The following SCART1 variants were observed in gnomAD, a reference collection of about 807,000 sequenced individuals.
The protein encoded by SCART1 is scavenger receptor family member expressed on T cells 1.
SCART1 carries 62 observed loss-of-function variants against 36.2 expected under a neutral mutation model. That is an observed-to-expected ratio of 1.71 (90% CI 1.40 to 2.12). SCART1 has a LOEUF of 2.12. Ranked by LOEUF, SCART1 falls within the 30% of genes most tolerant of loss-of-function variation. SCART1 has a pLI of 0.00. For missense variants in SCART1, 1,041 were observed against 540.5 expected (o/e 1.93, Z -9.18); for synonymous variants, 487 against 238.7 (o/e 2.04, Z -9.59).
intron 6 of SCART1, among the ~76,000 whole-genome samples, chr10:133,460,488 A>T (rs1382449485): frequency 1.4e-5 from 2 of 142,084 alleles, no homozygotes; most frequent in Non-Finnish European, 1.5e-5. Context: ...ATATATATAT[A>T]TTTATATATT....
chr10:133,458,087 C>T, intron 3 of SCART1: 1 of 659,380 alleles, frequency 1.5e-6, no homozygotes, highest in Non-Finnish European at 2.7e-6. Context: ...GTGTTGCTGT[C>T]ATGGCCTCGG....
In SCART1 at chr10:133,457,275, A is replaced by C. The variant is rs1564833627; in HGVS notation, c.386-4A>C. 1.4e-6 allele frequency: 1 copy of C among 700,830 alleles called. No homozygotes were observed. The highest frequency in any genetic ancestry group is 2.6e-6 in the Non-Finnish European group (1 of 384,886). The allele number at this position is 700,830 out of a possible 1,614,324, so 43.4% of individuals were successfully genotyped here. A position where few individuals can be genotyped will look rare whatever the true frequency, so the allele number is the denominator to read the frequency against. ...CTTAAGGAGGACCGGCCTGTGCTCC[A>C]CAGACGGCACTTTCCGGGAGCTCCG... On this transcript the variant is annotated splice_polypyrimidine_tract_variant and splice_region_variant and intron_variant, in intron 2 of 11. Transcript: ENST00000640237.
intron 10 of SCART1, chr10:133,466,960 C>T (rs938894621): frequency 3.7e-5 from 16 of 433,650 alleles, no homozygotes; most frequent in African/African-American, 3.0e-4. Flanking sequence ...AAGGTTCCCC[C>T]AGGCAGCACA....
chr10:133,466,427 A>C (rs386474812), intron 10 of SCART1, 46 bp downstream of exon 10: 9 of 690,066 alleles, frequency 1.3e-5, no homozygotes, highest in Non-Finnish European at 2.4e-5. Flanking sequence ...GTGCAGGAGC[A>C]AGAGCAGCTC....
At position 133,467,960 on chromosome 10, in the gene SCART1, A is replaced by G. The variant is rs909435434; in HGVS notation, c.3076A>G (p.Thr1026Ala). 7 of 692,838 alleles carry G rather than the reference A, an allele frequency of 1.0e-5. No individual in the cohort carries two copies. The African/African-American group carries it at 1.2e-4, about 12-fold the overall frequency. 42.9% of individuals were successfully genotyped at this position (692,838 alleles called of 1,614,324 possible). Residue 1026 changes from threonine to alanine, a missense_variant, in exon 12 of 12, where the codon ACG becomes GCG. Coordinates refer to ENST00000640237, the Ensembl canonical transcript of SCART1. Reference sequence around the variant, plus strand: ...GGCTGCGTTTCCTCTGGAGGAGATGACGTTGTAAAGCAACCTGAGGATGAG... The same window carrying G: ...GGCTGCGTTTCCTCTGGAGGAGATGGCGTTGTAAAGCAACCTGAGGATGAG...
intron 2 of SCART1, 85 bp from the exon 3 acceptor site, chr10:133,457,194 C>G: frequency 1.5e-6 from 1 of 676,966 alleles, no homozygotes; most frequent in South Asian, 1.6e-5. Context: ...CAGCCCATCA[C>G]TGTCCTCCCT....
exon 2 of SCART1, chr10:133,456,298 C>G: frequency 1.4e-6 from 1 of 702,934 alleles, no homozygotes; most frequent in South Asian, 1.5e-5. Context: ...TGGTGTTGGT[C>G]CGACACCACG....
At chr10:133,457,767 G>C in intron 3 of SCART1, 192 bp downstream of exon 3, 1 of 558,672 alleles carries the variant, frequency 1.8e-6, no homozygotes, top group South Asian at 2.4e-5. Flanking sequence ...TGAGTTTCTG[G>C]TGGCCCCACA....
chr10:133,456,885 T>C (rs1033879077), intron 2 of SCART1, among the ~76,000 whole-genome samples: 3 of 152,106 alleles, frequency 2.0e-5, no homozygotes, highest in Non-Finnish European at 2.9e-5. Context: ...TAGCTGATGA[T>C]GGTTTCTTAG....
At chr10:133,466,890 C>T (rs1176163141) in intron 10 of SCART1, 2 of 278,536 alleles carry the variant, frequency 7.2e-6, no homozygotes, top group Non-Finnish European at 1.3e-5. Flanking sequence ...TTTTATTGGC[C>T]AGAGAGAGTG....
chr10:133,466,199 C>A, intron 9 of SCART1, 36 bp from the exon 10 acceptor site: 2 of 695,346 alleles, frequency 2.9e-6, no homozygotes, highest in East Asian at 2.7e-5. Context: ...AGGTCCCCCC[C>A]ACCACCCAGC....
chr10:133,464,713 C>G (rs1266910173), exon 7 of SCART1: 1 of 701,650 alleles, frequency 1.4e-6, no homozygotes, highest in Non-Finnish European at 2.6e-6. Context: ...CCTGAAGGAC[C>G]TCTCCTTGTC....
chr10:133,457,639 G>A, intron 3 of SCART1, 64 bp downstream of exon 3: 1 of 608,136 alleles, frequency 1.6e-6, no homozygotes, highest in Admixed American at 3.0e-5. Context: ...ACCTGGGGAG[G>A]GCAGGGAGAA....
exon 5 of SCART1, chr10:133,459,281 G>A (rs534711289): frequency 3.0e-6 from 2 of 655,942 alleles, no homozygotes; most frequent in Middle Eastern, 2.4e-4. Flanking sequence ...CACCCTGGGG[G>A]CCCCGGCCTG....
chr10:133,456,445 T>G (rs1403827662), exon 2 of SCART1: 2 of 702,534 alleles, frequency 2.8e-6, no homozygotes, highest in Non-Finnish European at 5.2e-6. Context: ...AGCCCTGGCT[T>G]CACAACGTGT....
chr10:133,456,847 G>T (rs568995028), intron 2 of SCART1, among the ~76,000 whole-genome samples: 1 of 152,292 alleles, frequency 6.6e-6, no homozygotes, highest in Admixed American at 6.5e-5. Context: ...CGGGGGCGGG[G>T]TCTGTGGACG....
intron 2 of SCART1, 183 bp from the exon 3 acceptor site, chr10:133,457,096 C>T (rs1293715167): frequency 1.0e-5 from 6 of 587,096 alleles, no homozygotes; most frequent in South Asian, 2.2e-5. Flanking sequence ...AGACCAGCAG[C>T]AGAGCATGAA....
chr10:133,459,645 C>CA lies in SCART1; in HGVS notation c.1446dup (p.Ala483SerfsTer3). On this transcript the variant is annotated frameshift_variant, in exon 6 of 12. Coordinates refer to ENST00000640237, the Ensembl canonical transcript of SCART1. LOFTEE classifies it high-confidence loss of function. ...GCAACTCGGGTGCAGAGGGGCCCAG[C>CA]AAGCCTATGACGCACCTGCCCCCAG... is the stretch of plus-strand genomic sequence containing the variant. 1.5e-6 allele frequency: 1 copy of CA among 685,832 alleles called. No homozygotes were observed. The highest frequency in any genetic ancestry group is 2.7e-6 in the Non-Finnish European group (1 of 375,684). 42.5% of individuals were successfully genotyped at this position (685,832 alleles called of 1,614,324 possible).
At chr10:133,459,133 C>A in exon 5 of SCART1, 1 of 702,686 alleles carries the variant, frequency 1.4e-6, no homozygotes. Flanking sequence ...ATGCCACCGT[C>A]CTCTGCCACC....
Sources: gnomAD v4.1 joint callset for allele counts (sites outside exome capture counted in the v4.1 genomes callset) on GRCh38, gnomAD v4.1.1 for gene constraint, MANE v1.5 for transcripts, NCBI Gene and HGNC (gene_info 2026-07-23, HGNC 2026-07-21) for gene names.